Variants in MARCHF4 observed in about 807,000 individuals in gnomAD.
MARCHF4 encodes E3 ubiquitin-protein ligase MARCHF4.
Under a neutral mutation model 43.9 loss-of-function variants are expected in MARCHF4, and 14 were observed. That is an observed-to-expected ratio of 0.32 (90% CI 0.21 to 0.50). The LOEUF (loss-of-function observed/expected upper bound fraction) is 0.50, where lower values mean the gene tolerates loss of function less well. Ranked by LOEUF, MARCHF4 falls within the 20% of genes least tolerant of loss-of-function variation. MARCHF4 has a pLI of 0.98. For synonymous variants in MARCHF4, 226 were observed against 213.3 expected (o/e 1.06, Z -0.52); for missense variants, 468 against 536.7 (o/e 0.87, Z 1.27).
At chr2:216,360,917 C>T (rs1439908208) in intron 1 of MARCHF4, among the ~76,000 whole-genome samples, 2 of 151,780 alleles carry the variant, frequency 1.3e-5, no homozygotes, top group African/African-American at 2.4e-5. Context: ...AGGGCTCAAA[C>T]GATCCTCCCA....
intron 3 of MARCHF4, among the ~76,000 whole-genome samples, chr2:216,272,011 G>A (rs1003561011): frequency 6.9e-5 from 10 of 143,940 alleles, no homozygotes; most frequent in African/African-American, 2.6e-4. Context: ...AGACATGGTG[G>A]CTAATGCCTG....
At chr2:216,301,035 A>G (rs1043560041) in intron 1 of MARCHF4, among the ~76,000 whole-genome samples, 1 of 152,214 alleles carries the variant, frequency 6.6e-6, no homozygotes, top group East Asian at 1.9e-4. Flanking sequence ...TTAGCTAATC[A>G]GGCTCCAGAA....
At chr2:216,338,771 T>C (rs1306470897) in intron 1 of MARCHF4, among the ~76,000 whole-genome samples, 1 of 152,176 alleles carries the variant, frequency 6.6e-6, no homozygotes, top group African/African-American at 2.4e-5. Context: ...AGGATACTCA[T>C]GGCTCTTGAA....
At chr2:216,360,059 T>G (rs1559107689) in intron 1 of MARCHF4, among the ~76,000 whole-genome samples, 1 of 152,044 alleles carries the variant, frequency 6.6e-6, no homozygotes. Flanking sequence ...ATCACCTACT[T>G]TGGAATTCTC....
intron 2 of MARCHF4, among the ~76,000 whole-genome samples, chr2:216,282,191 G>A (rs207818): frequency 0.86 from 130,336 of 152,046 alleles, 56,449 homozygotes; most frequent in Non-Finnish European, 0.89. Flanking sequence ...CCTCTTTATG[G>A]CCCCTTGGTA....
intron 1 of MARCHF4, among the ~76,000 whole-genome samples, chr2:216,323,761 C>A (rs1393670825): frequency 2.0e-5 from 3 of 152,204 alleles, no homozygotes; most frequent in Admixed American, 6.5e-5. Flanking sequence ...TTCTTTGAAA[C>A]CAACGAGAAC....
chr2:216,307,116 C>T (rs755844751), intron 1 of MARCHF4, among the ~76,000 whole-genome samples: 14 of 152,106 alleles, frequency 9.2e-5, no homozygotes, highest in South Asian at 2.1e-4. Context: ...AGTCCCACAG[C>T]GGCCCCAGGA....
intron 3 of MARCHF4, among the ~76,000 whole-genome samples, chr2:216,273,983 G>A (rs1373054076): frequency 1.3e-5 from 2 of 152,246 alleles, no homozygotes; most frequent in African/African-American, 4.8e-5. Flanking sequence ...CTGGAAATTT[G>A]ATGAAGTTGG....
In MARCHF4 at chr2:216,338,122, G is replaced by C. The variant is rs73988371; in HGVS notation, c.516+31623C>G. 7.5e-3 allele frequency among the ~76,000 whole-genome samples: 1,146 copies of C among 152,226 alleles called. 10 individuals are homozygous for C. Among genetic ancestry groups the C allele is most frequent in the African/African-American group, 0.026 (1,090 of 41,522 alleles). On this transcript the variant is annotated intron_variant, in intron 1 of 3. Coordinates refer to ENST00000273067, the MANE Select transcript of MARCHF4 (RefSeq NM_020814.3). ...GGCTATGACCAGGCCCTGTGGTATA[G>C]ACTTTATGTGCCTTATGTCATATAA...
At chr2:216,368,196 C>A (rs180783599) in intron 1 of MARCHF4, among the ~76,000 whole-genome samples, 17 of 152,284 alleles carry the variant, frequency 1.1e-4, no homozygotes, top group African/African-American at 3.9e-4. Context: ...ATAATTCTTT[C>A]TTTTGGAGAG....
intron 1 of MARCHF4, among the ~76,000 whole-genome samples, chr2:216,365,123 C>T (rs1692644544): frequency 6.6e-6 from 1 of 152,176 alleles, no homozygotes; most frequent in Non-Finnish European, 1.5e-5. Context: ...ATTTAAGTCT[C>T]TTCTAAAATG....
intron 3 of MARCHF4, among the ~76,000 whole-genome samples, chr2:216,274,900 G>C (rs1690996529): frequency 1.6e-5 from 1 of 63,754 alleles, no homozygotes; most frequent in Non-Finnish European, 6.9e-5. Flanking sequence ...TGATAGAGCT[G>C]TCTGAACTCA....
chr2:216,341,359 C>G (rs941682676), intron 1 of MARCHF4, among the ~76,000 whole-genome samples: 2 of 152,212 alleles, frequency 1.3e-5, no homozygotes, highest in African/African-American at 2.4e-5. Flanking sequence ...CTAGAAGAGG[C>G]CTGCTTGCCT....
chr2:216,271,713 C>T (rs2105934980), intron 3 of MARCHF4, among the ~76,000 whole-genome samples: 1 of 152,242 alleles, frequency 6.6e-6, no homozygotes, highest in South Asian at 2.1e-4. Context: ...ACCTTGTCTC[C>T]CTCCCCAACA....
At chr2:216,319,351 C>G (rs145788696) in intron 1 of MARCHF4, among the ~76,000 whole-genome samples, 404 of 152,176 alleles carry the variant, frequency 2.7e-3, no homozygotes, top group African/African-American at 9.1e-3. Context: ...TCTACCACCA[C>G]AGGGGCAATG....
chr2:216,268,949 A>AGGG (rs1166598548), intron 3 of MARCHF4, among the ~76,000 whole-genome samples: 1 of 152,314 alleles, frequency 6.6e-6, no homozygotes, highest in East Asian at 1.9e-4. Context: ...AATGAGATTT[A>AGGG]AATTCCTTCA....
intron 1 of MARCHF4, among the ~76,000 whole-genome samples, chr2:216,285,540 G>A (rs560346561): frequency 6.6e-6 from 1 of 152,312 alleles, no homozygotes; most frequent in South Asian, 2.1e-4. Context: ...AGAGCTGAAT[G>A]CACGCATATC....
chr2:216,281,111 G>T (rs1691120877), intron 2 of MARCHF4, among the ~76,000 whole-genome samples: 1 of 147,460 alleles, frequency 6.8e-6, no homozygotes, highest in South Asian at 2.1e-4. Context: ...TGCCACCCAG[G>T]CTGGAGTGGT....
chr2:216,288,759 T>C (rs1691259077), intron 1 of MARCHF4, among the ~76,000 whole-genome samples: 1 of 152,056 alleles, frequency 6.6e-6, no homozygotes, highest in East Asian at 1.9e-4. Flanking sequence ...AACAGATGTA[T>C]TCCGCTCACT....
Sources: gnomAD v4.1 joint callset for allele counts (sites outside exome capture counted in the v4.1 genomes callset) on GRCh38, gnomAD v4.1.1 for gene constraint, MANE v1.5 for transcripts, NCBI Gene and HGNC (gene_info 2026-07-23, HGNC 2026-07-21) for gene names.